RAB28: variants seen among roughly 807,000 people sequenced by gnomAD.
The protein encoded by RAB28 is RAB28, member RAS oncogene family, also known as ras-related protein Rab-28.
A neutral mutation model predicts 31.7 loss-of-function variants in RAB28; 24 were observed. That is an observed-to-expected ratio of 0.76 (90% CI 0.55 to 1.06). The LOEUF is 1.06. RAB28 is among the 50% of genes least tolerant of loss of function. The pLI is 0.00. For synonymous variants in RAB28, 100 were observed against 90.4 expected (o/e 1.11, Z -0.60); for missense variants, 254 against 258.5 (o/e 0.98, Z 0.12).
chr4:13,386,638 T>C (rs1467228092), intron 4 of RAB28, among the ~76,000 whole-genome samples: 1 of 152,142 alleles, frequency 6.6e-6, no homozygotes, highest in Admixed American at 6.5e-5. Flanking sequence ...AATGCTTACA[T>C]ACTGTTGGTG....
chr4:13,473,072 A>T (rs531837174), intron 3 of RAB28, among the ~76,000 whole-genome samples: 3 of 152,064 alleles, frequency 2.0e-5, no homozygotes, highest in African/African-American at 7.2e-5. Context: ...TAAGTGATTC[A>T]GAACCATATT....
intron 4 of RAB28, among the ~76,000 whole-genome samples, chr4:13,407,642 A>G (rs1280123714): frequency 6.6e-6 from 1 of 152,234 alleles, no homozygotes; most frequent in Non-Finnish European, 1.5e-5. Flanking sequence ...ATGAATGAGC[A>G]TGGAATGTTT....
chr4:13,398,534 T>G (rs1171413343), intron 4 of RAB28, among the ~76,000 whole-genome samples: 1 of 152,112 alleles, frequency 6.6e-6, no homozygotes, highest in Non-Finnish European at 1.5e-5. Flanking sequence ...AGCCCAGCAC[T>G]TTGGGAGGCA....
At chr4:13,401,763 G>C (rs963121464) in intron 4 of RAB28, among the ~76,000 whole-genome samples, 4 of 151,770 alleles carry the variant, frequency 2.6e-5, no homozygotes, top group Non-Finnish European at 5.9e-5. Context: ...TGATTTCATT[G>C]ATTTCTCTAT....
chr4:13,468,340 T>C (rs976034160), intron 3 of RAB28, among the ~76,000 whole-genome samples: 1 of 151,976 alleles, frequency 6.6e-6, no homozygotes, highest in Non-Finnish European at 1.5e-5. Context: ...TTCTGGGCCA[T>C]AAAATATACC....
intron 4 of RAB28, among the ~76,000 whole-genome samples, chr4:13,421,933 G>C (rs1713174750): frequency 6.6e-6 from 1 of 152,034 alleles, no homozygotes; most frequent in Admixed American, 6.5e-5. Context: ...CTTCTGCACA[G>C]CAAAAGAAAC....
intron 4 of RAB28, among the ~76,000 whole-genome samples, chr4:13,437,368 CTTAA>C (rs1466297250): frequency 2.6e-5 from 4 of 152,028 alleles, no homozygotes; most frequent in South Asian, 2.1e-4. Context: ...ACAAATGGGA[CTTAA>C]TTAAACTAAA....
chr4:13,444,874 G>A lies in RAB28; in HGVS notation c.391+15825C>T, dbSNP rs561845397. ...CATGTGCCTTAGGGTTGATCTTCTT[G>A]TGGAGTATCTTGGTGGTGTTCTCTG... On this transcript the variant is annotated intron_variant, in intron 4 of 6. Transcript: ENST00000330852. 8.5e-5 allele frequency among the ~76,000 whole-genome samples: 13 copies of A among 152,152 alleles called. No individual in the cohort carries two copies. The South Asian group carries it at 2.7e-3, about 32-fold the overall frequency.
intron 3 of RAB28, among the ~76,000 whole-genome samples, chr4:13,469,380 C>G (rs987627213): frequency 2.0e-5 from 3 of 151,874 alleles, no homozygotes; most frequent in African/African-American, 7.2e-5. Flanking sequence ...TTTCCTTCCA[C>G]TTCTCAATTT....
chr4:13,456,727 C>T (rs192780773), intron 4 of RAB28, among the ~76,000 whole-genome samples: 1 of 147,690 alleles, frequency 6.8e-6, no homozygotes, highest in Non-Finnish European at 1.5e-5. Context: ...ATTTTAATAA[C>T]TGTACATTTT....
chr4:13,380,343 T>C (rs1052484336), intron 5 of RAB28, among the ~76,000 whole-genome samples: 12 of 152,098 alleles, frequency 7.9e-5, no homozygotes, highest in African/African-American at 2.4e-4. Flanking sequence ...CTTCTTTTAG[T>C]TGAAAAATGT....
chr4:13,389,754 AAC>A (rs1435111041), intron 4 of RAB28, among the ~76,000 whole-genome samples: 1 of 151,578 alleles, frequency 6.6e-6, no homozygotes, highest in African/African-American at 2.4e-5. Context: ...ATTCAGAAGC[AAC>A]AAATTAAAAT....
chr4:13,479,989 TTC>T (rs1716538638), intron 1 of RAB28, among the ~76,000 whole-genome samples: 1 of 151,764 alleles, frequency 6.6e-6, no homozygotes, highest in African/African-American at 2.4e-5. Flanking sequence ...TACAGAATTT[TTC>T]TTTTTCCCAC....
chr4:13,416,778 G>A (rs1287558825), intron 4 of RAB28, among the ~76,000 whole-genome samples: 1 of 152,144 alleles, frequency 6.6e-6, no homozygotes, highest in East Asian at 1.9e-4. Context: ...ATTCCAAGAT[G>A]GCCAAATAGA....
At chr4:13,481,627 G>A (rs1716608838) in intron 1 of RAB28, among the ~76,000 whole-genome samples, 1 of 151,636 alleles carries the variant, frequency 6.6e-6, no homozygotes, top group South Asian at 2.1e-4. Context: ...GAAAAAAAAA[G>A]AATATTTTGC....
At chr4:13,401,160 T>C (rs1047063890) in intron 4 of RAB28, among the ~76,000 whole-genome samples, 5 of 152,228 alleles carry the variant, frequency 3.3e-5, no homozygotes, top group African/African-American at 1.2e-4. Context: ...ACATGTTTGG[T>C]AGAATTTACC....
Position 13,367,914 on chromosome 4 carries a change from C to A in RAB28, c.*644G>T, listed in dbSNP as rs1443299841. On this transcript the variant is annotated 3_prime_UTR_variant, in exon 7 of 7. Transcript: ENST00000330852. ...CTGAGTATTACACAATACATAACGA[C>A]AACGATACAGTAATAAAAATACAAT... 2 of 982,318 alleles carry A rather than the reference C, an allele frequency of 2.0e-6. No individual in the cohort carries two copies. The highest frequency in any genetic ancestry group is 2.4e-6 in the Non-Finnish European group (2 of 827,390). 60.9% of individuals were successfully genotyped at this position (982,318 alleles called of 1,614,324 possible).
intron 3 of RAB28, among the ~76,000 whole-genome samples, chr4:13,473,245 C>G (rs1450804312): frequency 6.6e-6 from 1 of 151,884 alleles, no homozygotes; most frequent in African/African-American, 2.4e-5. Flanking sequence ...TTATTATGAG[C>G]AACATGTTTC....
chr4:13,466,441 A>AT (rs145387875), intron 3 of RAB28, among the ~76,000 whole-genome samples: 11,040 of 151,944 alleles, frequency 0.073, 968 homozygotes, highest in African/African-American at 0.21. Flanking sequence ...TAACAGATAT[A>AT]TTTTTTAAAT....
Sources: gnomAD v4.1 joint callset for allele counts (sites outside exome capture counted in the v4.1 genomes callset) on GRCh38, gnomAD v4.1.1 for gene constraint, MANE v1.5 for transcripts, NCBI Gene and HGNC (gene_info 2026-07-23, HGNC 2026-07-21) for gene names.